The following FRMD8 variants were observed in gnomAD, a reference collection of about 807,000 sequenced individuals.
FRMD8 encodes FERM domain-containing protein 8.
FRMD8 carries 37 observed loss-of-function variants against 54.2 expected under a neutral mutation model. The observed-to-expected ratio is 0.68, with a 90% CI of 0.53 to 0.90. The LOEUF is 0.90. FRMD8 is among the 40% of genes least tolerant of loss of function. FRMD8 has a pLI of 0.00. For synonymous variants in FRMD8, 246 were observed against 286.9 expected, an observed-to-expected ratio of 0.86 and a Z score of 1.44; for missense variants, 585 against 653.7, an observed-to-expected ratio of 0.89 and a Z score of 1.15.
chr11:65,386,118 C>A (rs372958311), upstream of FRMD8, among the ~76,000 whole-genome samples: 4 of 152,156 alleles, frequency 2.6e-5, no homozygotes, highest in Non-Finnish European at 4.4e-5. Flanking sequence ...TATTAATAAT[C>A]ATTTAGAGAG....
chr11:65,408,061 G>C (rs980532355), intron 10 of FRMD8, among the ~76,000 whole-genome samples: 4 of 150,932 alleles, frequency 2.7e-5, no homozygotes, highest in Non-Finnish European at 5.9e-5. Context: ...GTAATTTTTA[G>C]AATAATTGTT....
chr11:65,405,068 G>A lies in FRMD8; in HGVS notation c.1276G>A (p.Gly426Ser), dbSNP rs377487202. 1.0e-4 allele frequency: 161 copies of A among 1,613,054 alleles called. No individual in the cohort carries two copies. Among genetic ancestry groups the A allele is most frequent in the Admixed American group, 1.3e-4 (8 of 60,010 alleles). The change falls in exon 10 of 11, where the codon GGC (glycine) becomes AGC (serine). Residue 426 changes from glycine to serine, a missense_variant and splice_region_variant. Coordinates refer to ENST00000317568, the MANE Select transcript of FRMD8 (RefSeq NM_031904.5). ...HLSTIDYVED[G>S]KGIRRVKPKR... is the part of the protein sequence containing the mutation. ...CTCCACCATCGACTACGTGGAGGACGGTGAGCAGCCCTTCTGTGCATGTGC... is the reference window on the plus strand; with the variant it reads ...CTCCACCATCGACTACGTGGAGGACAGTGAGCAGCCCTTCTGTGCATGTGC...
At chr11:65,381,722 T>C (rs1855569278), upstream of FRMD8, 2 of 627,198 alleles carry the variant, frequency 3.2e-6, no homozygotes, top group Non-Finnish European at 5.7e-6. Context: ...GCCCAGCTAA[T>C]TATTTTGATT....
intron 10 of FRMD8, among the ~76,000 whole-genome samples, chr11:65,410,871 G>T (rs909565286): frequency 3.9e-5 from 6 of 152,166 alleles, no homozygotes; most frequent in Admixed American, 3.9e-4. Flanking sequence ...TTTAATTAAT[G>T]ACCCGGTATT....
At chr11:65,382,340 A>C, upstream of FRMD8, 1 of 257,956 alleles carries the variant, frequency 3.9e-6, no homozygotes, top group Non-Finnish European at 7.8e-6. This position sits in a 1 kb window ranked among gnomAD's most constrained non-coding sequence, Gnocchi z 4.4. Flanking sequence ...CTCCACTCCC[A>C]TTCATCTCCA....
the FRMD8 span, chr11:65,376,692 C>T: frequency 6.2e-7 from 1 of 1,613,542 alleles, no homozygotes; most frequent in Non-Finnish European, 8.5e-7. Context: ...CAGAGAGAGC[C>T]CAGAGCAGGG....
Position 65,390,029 on chromosome 11 carries a change from T to G in FRMD8, c.253+501T>G, listed in dbSNP as rs528370906. On this transcript the variant is annotated intron_variant, in intron 3 of 10. Coordinates refer to ENST00000317568, the MANE Select transcript of FRMD8 (RefSeq NM_031904.5). Reference sequence around the variant, plus strand: ...GGCCTCTTTGAACTGTTCCTGTTCCTTGGGGACAGGGAGGAGAAGGGACAT... The same window carrying G: ...GGCCTCTTTGAACTGTTCCTGTTCCGTGGGGACAGGGAGGAGAAGGGACAT... Among the ~76,000 whole-genome samples, 5 of 152,260 alleles carry G rather than the reference T, an allele frequency of 3.3e-5. No homozygotes were observed. In the South Asian group the frequency reaches 1.0e-3, roughly 32 times the overall value.
At chr11:65,395,246 T>TAA (rs895407697) in intron 6 of FRMD8, among the ~76,000 whole-genome samples, 1 of 138,538 alleles carries the variant, frequency 7.2e-6, no homozygotes, top group African/African-American at 2.7e-5. Context: ...GACTCTGTCT[T>TAA]AAAAAAAAAA....
the FRMD8 span, chr11:65,380,292 A>T: frequency 6.9e-7 from 1 of 1,459,792 alleles, no homozygotes. Flanking sequence ...GCCATCTCAG[A>T]CACATGCAGC....
the FRMD8 span, among the ~76,000 whole-genome samples, chr11:65,371,130 A>G: frequency 6.6e-6 from 1 of 152,146 alleles, no homozygotes; most frequent in Non-Finnish European, 1.5e-5. Flanking sequence ...GGCTGGAGAC[A>G]CCAGTTAAGT....
upstream of FRMD8, chr11:65,383,692 C>G (rs1310456300): frequency 7.4e-6 from 1 of 135,346 alleles, no homozygotes; most frequent in African/African-American, 2.7e-5. Context: ...CGAGAGGCAG[C>G]TGTTGCAGTG....
chr11:65,374,100 C>T, the FRMD8 span, among the ~76,000 whole-genome samples: 1 of 152,130 alleles, frequency 6.6e-6, no homozygotes, highest in African/African-American at 2.4e-5. Context: ...CACATAAGAC[C>T]AGGAGTTCGA....
intron 2 of FRMD8, among the ~76,000 whole-genome samples, chr11:65,389,018 T>A (rs1303063562): frequency 6.6e-6 from 1 of 152,184 alleles, no homozygotes; most frequent in East Asian, 1.9e-4. Flanking sequence ...AGTTGAATCC[T>A]TGGGGCAGCT....
chr11:65,399,881 G>A, intron 8 of FRMD8, 22 bp downstream of exon 8: 1 of 1,602,906 alleles, frequency 6.2e-7, no homozygotes, highest in Non-Finnish European at 8.5e-7. Flanking sequence ...AGCTCCTCCA[G>A]GGTGGAGAGG....
At chr11:65,386,087 C>T (rs540159363), upstream of FRMD8, among the ~76,000 whole-genome samples, 12 of 152,294 alleles carry the variant, frequency 7.9e-5, no homozygotes, top group East Asian at 1.9e-4. Flanking sequence ...TGAGCCACCG[C>T]GCCCGGCCGA....
At position 65,386,637 on chromosome 11, in the gene FRMD8, G is replaced by T; in HGVS notation, c.-125G>T. On this transcript the variant is annotated 5_prime_UTR_variant, in exon 1 of 11. Transcript: ENST00000317568. ...CGCTTCCTCCCGCCGTGGCTTCCGC[G>T]TCGCTTCCCGGTCAGCTGCGTCCTT... The T allele has an allele frequency of 5.0e-6, 1 of 198,254 alleles. No individual in the cohort carries two copies. The highest frequency in any genetic ancestry group is 1.2e-4 in the East Asian group (1 of 8,352). The allele number at this position is 198,254 out of a possible 1,614,324, so 12.3% of individuals were successfully genotyped here.
chr11:65,387,286 A>G (rs892620722), intron 2 of FRMD8, 165 bp downstream of exon 2: 1 of 728,394 alleles, frequency 1.4e-6, no homozygotes, highest in Non-Finnish European at 2.4e-6. Context: ...AGGCTCTGTC[A>G]CTAGTTTACT....
chr11:65,410,294 G>A (rs1451675832), intron 10 of FRMD8, among the ~76,000 whole-genome samples: 8 of 152,102 alleles, frequency 5.3e-5, no homozygotes, highest in South Asian at 2.1e-4. Context: ...TCAAGAGATC[G>A]AGACCATCCT....
At chr11:65,403,998 G>T (rs1856134650) in intron 9 of FRMD8, among the ~76,000 whole-genome samples, 3 of 152,194 alleles carry the variant, frequency 2.0e-5, no homozygotes. Context: ...TGAGCTGAGG[G>T]CAGGGAGCGT....
Sources: gnomAD v4.1 joint callset for allele counts (sites outside exome capture counted in the v4.1 genomes callset) on GRCh38, gnomAD v4.1.1 for gene constraint, Gnocchi (gnomAD v3.1) non-coding constraint, MANE v1.5 for transcripts, NCBI Gene and HGNC (gene_info 2026-07-23, HGNC 2026-07-21) for gene names.